Variants in TTLL1 observed in about 807,000 individuals in gnomAD.
TTLL1 encodes the protein polyglutamylase complex subunit TTLL1.
Under a neutral mutation model 47.8 loss-of-function variants are expected in TTLL1, and 33 were observed. That is an observed-to-expected ratio of 0.69 (90% CI 0.52 to 0.92). The LOEUF is 0.92. TTLL1 is among the 40% of genes least tolerant of loss of function. The pLI, the probability that TTLL1 is intolerant of heterozygous loss-of-function variation, is 0.00. For synonymous variants in TTLL1, 225 were observed against 214.1 expected (o/e 1.05, Z -0.45); for missense variants, 488 against 547.5 (o/e 0.89, Z 1.08).
intron 8 of TTLL1, chr22:43,052,168 G>T: frequency 2.3e-6 from 1 of 430,962 alleles, no homozygotes; most frequent in South Asian, 2.1e-5. Flanking sequence ...CCCTCTGTTG[G>T]CGTGAGACTG....
Position 43,039,586 on chromosome 22 carries a change from G to T in TTLL1, c.*190C>A. ...TTAAAAATTAAAAAAAAAAGAGCGAGTTTTATACATCCGCATGAATTGTTT... is the reference window on the plus strand; with the variant it reads ...TTAAAAATTAAAAAAAAAAGAGCGATTTTTATACATCCGCATGAATTGTTT... On this transcript the variant is annotated 3_prime_UTR_variant, in exon 11 of 11. Transcript: ENST00000266254. 1 of 573,128 alleles carries T rather than the reference G, an allele frequency of 1.7e-6. No individual in the cohort carries two copies. Among genetic ancestry groups the T allele is most frequent in the East Asian group, 4.1e-5 (1 of 24,196 alleles). 35.5% of individuals were successfully genotyped at this position (573,128 alleles called of 1,614,324 possible).
intron 1 of TTLL1, among the ~76,000 whole-genome samples, chr22:43,084,933 A>G (rs1929130849): frequency 7.0e-6 from 1 of 142,126 alleles, no homozygotes; most frequent in Non-Finnish European, 1.5e-5. Context: ...TGACAAATTT[A>G]TATCATCATT....
At chr22:43,059,810 C>T (rs1335585997) in intron 7 of TTLL1, among the ~76,000 whole-genome samples, 1 of 152,146 alleles carries the variant, frequency 6.6e-6, no homozygotes, top group Non-Finnish European at 1.5e-5. Context: ...CCACCTCAGC[C>T]TCTCAAGTAA....
intron 8 of TTLL1, among the ~76,000 whole-genome samples, chr22:43,057,952 AT>A (rs147174964): frequency 0.095 from 11,476 of 120,942 alleles, 795 homozygotes; most frequent in East Asian, 0.5. Context: ...ATATATATAT[AT>A]TTTTTTTTTT....
intron 3 of TTLL1, among the ~76,000 whole-genome samples, chr22:43,072,261 C>T (rs1053204866): frequency 2.0e-5 from 3 of 150,174 alleles, no homozygotes; most frequent in Non-Finnish European, 4.4e-5. Context: ...TCACGCCATT[C>T]TCCTGTCTCA....
chr22:43,076,237 CCT>C (rs1928476334), intron 2 of TTLL1, among the ~76,000 whole-genome samples: 1 of 151,266 alleles, frequency 6.6e-6, no homozygotes, highest in East Asian at 2.0e-4. Context: ...AGGCGGATCG[CCT>C]GAGGTTGGGA....
chr22:43,064,360 A>G, intron 5 of TTLL1, 36 bp from the exon 6 acceptor site: 1 of 1,597,018 alleles, frequency 6.3e-7, no homozygotes, highest in Non-Finnish European at 8.5e-7. Context: ...TTAGATGGTA[A>G]AAGATGCAAT....
chr22:43,076,412 C>T (rs1276903319), intron 2 of TTLL1, among the ~76,000 whole-genome samples: 3 of 151,866 alleles, frequency 2.0e-5, no homozygotes, highest in African/African-American at 7.3e-5. Flanking sequence ...GCTGAGATCG[C>T]ACTACTGCCC....
intron 5 of TTLL1, among the ~76,000 whole-genome samples, chr22:43,067,205 C>T (rs908265829): frequency 2.0e-5 from 3 of 152,196 alleles, no homozygotes; most frequent in African/African-American, 7.2e-5. Flanking sequence ...ACTGCCCCAC[C>T]ACTTGCTCGG....
At chr22:43,055,719 C>T (rs879431647) in intron 8 of TTLL1, among the ~76,000 whole-genome samples, 8 of 152,158 alleles carry the variant, frequency 5.3e-5, no homozygotes, top group Non-Finnish European at 1.0e-4. Flanking sequence ...AGCAATCCTC[C>T]TGTCTCAGTC....
chr22:43,064,217 G>C lies in TTLL1; in HGVS notation c.611C>G (p.Ser204Cys). Reference sequence around the variant, plus strand: ...GTAACAGCGCAGTGGACGGTACGTGGACACCAGAACGTACAAGCGCAGGTC... The same window carrying C: ...GTAACAGCGCAGTGGACGGTACGTGCACACCAGAACGTACAAGCGCAGGTC... Reference protein sequence around the residue: ...KFDLRLYVLVSTYRPLRCYMY... With the variant: ...KFDLRLYVLVCTYRPLRCYMY... The change falls in exon 6 of 11, where the codon TCC becomes TGC. Residue 204 changes from serine to cysteine, a missense_variant. Physicochemically the swap from Ser to Cys is moderately radical, Grantham distance 112 (BLOSUM62 -1). Coordinates refer to ENST00000266254, the MANE Select transcript of TTLL1 (RefSeq NM_012263.5). 1.9e-6 allele frequency: 3 copies of C among 1,614,074 alleles called. No homozygotes were observed. The highest frequency in any genetic ancestry group is 2.5e-6 in the Non-Finnish European group (3 of 1,180,028).
At chr22:43,052,123 C>T (rs978676192) in intron 8 of TTLL1, 11 of 516,770 alleles carry the variant, frequency 2.1e-5, no homozygotes, top group African/African-American at 1.2e-4. Flanking sequence ...GGCATCTCTG[C>T]GTCTCACTCA....
intron 7 of TTLL1, among the ~76,000 whole-genome samples, chr22:43,062,012 T>G (rs5996262): frequency 0.11 from 16,564 of 152,120 alleles, 1,245 homozygotes; most frequent in African/African-American, 0.2. Flanking sequence ...GGGTGATTAT[T>G]TGATGACTAT....
intron 3 of TTLL1, among the ~76,000 whole-genome samples, chr22:43,075,260 C>T (rs1928407453): frequency 2.0e-5 from 3 of 152,214 alleles, no homozygotes. Context: ...TGTGCTGAAA[C>T]ACCCCGGACT....
intron 8 of TTLL1, among the ~76,000 whole-genome samples, chr22:43,058,896 G>A (rs1227482827): frequency 1.3e-5 from 2 of 151,986 alleles, no homozygotes; most frequent in East Asian, 1.9e-4. Flanking sequence ...GGGTTTCACC[G>A]TGTCCAGGCT....
chr22:43,049,464 G>A (rs1463009533), intron 9 of TTLL1, among the ~76,000 whole-genome samples: 1 of 151,594 alleles, frequency 6.6e-6, no homozygotes, highest in African/African-American at 2.4e-5. Context: ...CAGAGGTTGT[G>A]GTGAGCCAAG....
At chr22:43,084,889 C>A (rs1929127959) in intron 1 of TTLL1, among the ~76,000 whole-genome samples, 1 of 151,394 alleles carries the variant, frequency 6.6e-6, no homozygotes, top group Admixed American at 6.6e-5. Flanking sequence ...TGGCTGGGCA[C>A]TGGAGCTCAA....
At chr22:43,078,367 G>A (rs1384367961) in intron 2 of TTLL1, among the ~76,000 whole-genome samples, 1 of 152,112 alleles carries the variant, frequency 6.6e-6, no homozygotes, top group Non-Finnish European at 1.5e-5. Flanking sequence ...GTGGTGGCAT[G>A]TGCCTGTAAT....
intron 9 of TTLL1, among the ~76,000 whole-genome samples, chr22:43,048,111 T>A (rs1412101225): frequency 6.6e-6 from 1 of 151,166 alleles, no homozygotes; most frequent in Non-Finnish European, 1.5e-5. Context: ...AGGTCAAGAG[T>A]TCGAGACCAG....
Sources: allele counts gnomAD v4.1 joint callset (sites outside exome capture counted in the v4.1 genomes callset), GRCh38; gene constraint gnomAD v4.1.1; transcripts MANE v1.5; gene names NCBI Gene and HGNC (gene_info 2026-07-23, HGNC 2026-07-21).